Variants in IL31RA observed in about 807,000 individuals in gnomAD.
The protein encoded by IL31RA is interleukin 31 receptor A, also known as interleukin-31 receptor subunit alpha.
Under a neutral mutation model 83.7 loss-of-function variants are expected in IL31RA, and 66 were observed. That is an observed-to-expected ratio of 0.79 (90% CI 0.65 to 0.97). The LOEUF (loss-of-function observed/expected upper bound fraction) is 0.97, where lower values mean the gene tolerates loss of function less well. IL31RA is among the 50% of genes least tolerant of loss of function. The pLI is 0.00. For synonymous variants in IL31RA, 325 were observed against 329.0 expected, an observed-to-expected ratio of 0.99 and a Z score of 0.13; for missense variants, 798 against 919.4, an observed-to-expected ratio of 0.87 and a Z score of 1.71.
intron 8 of IL31RA, among the ~76,000 whole-genome samples, chr5:55,905,271 C>T (rs937839231): frequency 1.3e-5 from 2 of 151,510 alleles, no homozygotes; most frequent in Non-Finnish European, 2.9e-5. Context: ...TCGAGTTTTG[C>T]AGGTTGAGGA....
chr5:55,864,956 C>A (rs1015933390), intron 2 of IL31RA, among the ~76,000 whole-genome samples: 1 of 152,146 alleles, frequency 6.6e-6, no homozygotes, highest in Non-Finnish European at 1.5e-5. Flanking sequence ...ATCTCTGAGC[C>A]ATGGAGACAG....
chr5:55,857,310 A>G (rs1745419765), intron 1 of IL31RA, among the ~76,000 whole-genome samples: 1 of 152,076 alleles, frequency 6.6e-6, no homozygotes, highest in Non-Finnish European at 1.5e-5. Flanking sequence ...CATGTTGCTC[A>G]GGCTGGTCTT....
intron 2 of IL31RA, among the ~76,000 whole-genome samples, chr5:55,864,721 C>CCA (rs1745926081): frequency 6.7e-6 from 1 of 149,936 alleles, no homozygotes; most frequent in South Asian, 2.1e-4. Context: ...CACACATACA[C>CCA]CACACATACC....
At chr5:55,908,022 T>C (rs1749260800) in intron 10 of IL31RA, among the ~76,000 whole-genome samples, 1 of 152,192 alleles carries the variant, frequency 6.6e-6, no homozygotes, top group Admixed American at 6.5e-5. Context: ...GGGTACCAAA[T>C]TGGAGACATC....
At chr5:55,876,068 T>C (rs1358925922) in intron 4 of IL31RA, among the ~76,000 whole-genome samples, 1 of 152,216 alleles carries the variant, frequency 6.6e-6, no homozygotes, top group Non-Finnish European at 1.5e-5. Context: ...ACTTTTCTTA[T>C]TTAAATTCAA....
At chr5:55,863,088 T>C (rs1019033914) in intron 2 of IL31RA, among the ~76,000 whole-genome samples, 1 of 152,336 alleles carries the variant, frequency 6.6e-6, no homozygotes, top group Admixed American at 6.5e-5. Context: ...TCACTCCAGA[T>C]AACTGAAACT....
At chr5:55,847,642 A>G (rs1055388925), upstream of IL31RA, among the ~76,000 whole-genome samples, 1 of 152,212 alleles carries the variant, frequency 6.6e-6, no homozygotes, top group Non-Finnish European at 1.5e-5. Flanking sequence ...TGTTTTCCCC[A>G]TTGGCAACAT....
chr5:55,914,803 C>T, intron 13 of IL31RA, 44 bp from the exon 14 acceptor site: 1 of 1,377,058 alleles, frequency 7.3e-7, no homozygotes, highest in Non-Finnish European at 1.0e-6. Context: ...GGTGCTAATG[C>T]TTCTTGGATT....
Position 55,857,936 on chromosome 5 carries a change from A to G in IL31RA, c.64-1573A>G, listed in dbSNP as rs555868884. Among the ~76,000 whole-genome samples, 5 of 152,236 alleles carry G rather than the reference A, an allele frequency of 3.3e-5. No homozygotes were observed. The South Asian group carries it at 8.5e-4, about 26-fold the overall frequency. On this transcript the variant is annotated intron_variant, in intron 1 of 14. Coordinates refer to ENST00000652347, the MANE Select transcript of IL31RA (RefSeq NM_139017.7). ...GTTTGTTTGTGAGAGGGCCAGGACC[A>G]CAACTCAGGCAGTCTCAATTTCTAG...
At chr5:55,859,838 C>A (rs1405942499) in intron 2 of IL31RA, among the ~76,000 whole-genome samples, 1 of 152,186 alleles carries the variant, frequency 6.6e-6, no homozygotes, top group Admixed American at 6.5e-5. Context: ...GGAGATACAA[C>A]CCCCAAAATG....
intron 1 of IL31RA, among the ~76,000 whole-genome samples, chr5:55,852,719 G>A (rs1250388380): frequency 6.6e-6 from 1 of 152,164 alleles, no homozygotes; most frequent in Non-Finnish European, 1.5e-5. Context: ...TTGCAAAATT[G>A]TGGTACTAGA....
At chr5:55,864,792 T>TAC (rs931186736) in intron 2 of IL31RA, among the ~76,000 whole-genome samples, 1 of 148,838 alleles carries the variant, frequency 6.7e-6, no homozygotes, top group African/African-American at 2.5e-5. Flanking sequence ...ACACACACTC[T>TAC]ACACACACAC....
At chr5:55,892,915 G>A (rs1325831697) in intron 6 of IL31RA, among the ~76,000 whole-genome samples, 1 of 152,092 alleles carries the variant, frequency 6.6e-6, no homozygotes, top group Non-Finnish European at 1.5e-5. Context: ...CATTTTTTCA[G>A]GATCCCAGAA....
rs992536255 is a variant in IL31RA at position 55,921,593 on chromosome 5, A to G, written c.*4473A>G. Among the ~76,000 whole-genome samples, 4 of 152,234 alleles carry G rather than the reference A, an allele frequency of 2.6e-5. No individual in the cohort carries two copies. Among genetic ancestry groups the G allele is most frequent in the East Asian group, 3.8e-4 (2 of 5,198 alleles). On this transcript the variant is annotated 3_prime_UTR_variant, in exon 15 of 15. Coordinates refer to ENST00000652347, the MANE Select transcript of IL31RA (RefSeq NM_139017.7). The stretch of plus-strand genomic sequence containing the variant: ...CCCATCAAAGGTTATGCTGATTTAC[A>G]GTATCACCAGACATGTCTGACGGAT...
In IL31RA at chr5:55,922,291, C is replaced by T; in HGVS notation, c.*5171C>T. On this transcript the variant is annotated 3_prime_UTR_variant, in exon 15 of 15. Transcript: ENST00000652347. ...AAAAGGGCTGGGGAGAAGCAAGGGG[C>T]AGGGGAGGGGCAGAACTCCACAAGA... 1.1e-5 allele frequency: 10 copies of T among 880,914 alleles called. No homozygotes were observed. In the South Asian group the frequency reaches 1.4e-4, roughly 13 times the overall value. The allele number at this position is 880,914 out of a possible 1,614,324, so 54.6% of individuals were successfully genotyped here. A position where few individuals can be genotyped will look rare whatever the true frequency, so the allele number is the denominator to read the frequency against.
chr5:55,901,591 T>C (rs1748810000), intron 8 of IL31RA, among the ~76,000 whole-genome samples: 1 of 28,650 alleles, frequency 3.5e-5, no homozygotes, highest in African/African-American at 2.3e-4. Context: ...ATTGTCATTA[T>C]TATTATTATT....
At chr5:55,905,514 A>G (rs1359834040) in intron 8 of IL31RA, among the ~76,000 whole-genome samples, 1 of 152,194 alleles carries the variant, frequency 6.6e-6, no homozygotes, top group Non-Finnish European at 1.5e-5. Context: ...TTTCCAGATT[A>G]TTTTGGCCAG....
At chr5:55,893,434 T>C (rs1366637304) in intron 6 of IL31RA, among the ~76,000 whole-genome samples, 1 of 152,260 alleles carries the variant, frequency 6.6e-6, no homozygotes, top group African/African-American at 2.4e-5. Context: ...CATACTGTCA[T>C]AGAAATGGTA....
At chr5:55,870,969 C>A (rs951514152) in intron 3 of IL31RA, among the ~76,000 whole-genome samples, 1 of 152,202 alleles carries the variant, frequency 6.6e-6, no homozygotes, top group African/African-American at 2.4e-5. Flanking sequence ...TGAATAAATG[C>A]AGAAATATTC....
Sources: gnomAD v4.1 joint callset for allele counts (sites outside exome capture counted in the v4.1 genomes callset) on GRCh38, gnomAD v4.1.1 for gene constraint, MANE v1.5 for transcripts, NCBI Gene and HGNC (gene_info 2026-07-23, HGNC 2026-07-21) for gene names.